Variants in PRMT8 observed in about 807,000 individuals in gnomAD.
PRMT8 encodes protein arginine methyltransferase 8.
A neutral mutation model predicts 47.1 loss-of-function variants in PRMT8; 7 were observed. The ratio of observed to expected loss-of-function variants is 0.15; its 90% CI spans 0.08 to 0.28. The LOEUF is 0.28. Ranked by LOEUF, PRMT8 falls within the 10% of genes least tolerant of loss-of-function variation. The probability of loss-of-function intolerance (pLI) is 1.00; values close to 1 mark genes in which losing one functional copy is unlikely to be tolerated. For missense variants in PRMT8, 237 were observed against 505.4 expected (o/e 0.47, Z 5.09); for synonymous variants, 188 against 186.5 (o/e 1.01, Z -0.07).
chr12:3,570,022 C>T lies in PRMT8; in HGVS notation c.712+458C>T, dbSNP rs1029703523. Among the ~76,000 whole-genome samples the T allele has an allele frequency of 2.0e-5, 3 of 152,036 alleles. No individual in the cohort carries two copies. Among genetic ancestry groups the T allele is most frequent in the African/African-American group, 7.2e-5 (3 of 41,394 alleles). On this transcript the variant is annotated intron_variant, in intron 6 of 9. Transcript: ENST00000382622. This position sits in a 1 kb window ranked among gnomAD's most constrained non-coding sequence, Gnocchi z 5.5. ...TCAAAATAATATTGATTCTCTTATG[C>T]AAATACATATTATTTGAGGTTCTTT...
intron 1 of PRMT8, among the ~76,000 whole-genome samples, chr12:3,479,062 C>G (rs1865247195): frequency 6.6e-6 from 1 of 152,188 alleles, no homozygotes; most frequent in Admixed American, 6.5e-5. Context: ...GTACAGCAGG[C>G]TCTGACTGGG....
rs112188118 is a variant in PRMT8 at position 3,579,298 on chromosome 12, C to T, written c.828+2312C>T. 9.8e-4 allele frequency among the ~76,000 whole-genome samples: 149 copies of T among 152,212 alleles called. 1 individual carries two copies. The highest frequency in any genetic ancestry group is 3.5e-3 in the African/African-American group (144 of 41,536). On this transcript the variant is annotated intron_variant, in intron 7 of 9. Transcript: ENST00000382622. Reference sequence around the variant, plus strand: ...CCCCAGGTTGCTCTCTGCCCCTGACCCAGGCCCCATTGGCAGGTGTAGCCA... The same window carrying T: ...CCCCAGGTTGCTCTCTGCCCCTGACTCAGGCCCCATTGGCAGGTGTAGCCA...
intron 1 of PRMT8, among the ~76,000 whole-genome samples, chr12:3,529,029 G>T (rs190429525): frequency 6.6e-6 from 1 of 152,334 alleles, no homozygotes; most frequent in African/African-American, 2.4e-5. Context: ...TTCCGAGGCT[G>T]TGGTAGTTTT....
intron 1 of PRMT8, among the ~76,000 whole-genome samples, chr12:3,444,014 C>G (rs1408234169): frequency 6.6e-6 from 1 of 152,232 alleles, no homozygotes; most frequent in African/African-American, 2.4e-5. Context: ...GCCATTCACT[C>G]TATCACATCT....
chr12:3,416,174 C>A (rs771446481), intron 1 of PRMT8, among the ~76,000 whole-genome samples: 1 of 152,212 alleles, frequency 6.6e-6, no homozygotes, highest in Non-Finnish European at 1.5e-5. Flanking sequence ...CTGTAACCCC[C>A]TACAACTCTG....
intron 1 of PRMT8, among the ~76,000 whole-genome samples, chr12:3,476,895 C>A (rs1261184341): frequency 6.6e-6 from 1 of 152,178 alleles, no homozygotes; most frequent in Non-Finnish European, 1.5e-5. Flanking sequence ...GAGAGGAGAG[C>A]CCCTCAAGAG....
chr12:3,531,812 C>T (rs1470436425), intron 1 of PRMT8, among the ~76,000 whole-genome samples: 7 of 152,246 alleles, frequency 4.6e-5, no homozygotes. Context: ...CTAAAGTGCT[C>T]TCTGTGGCCT....
chr12:3,491,729 G>C lies in PRMT8; in HGVS notation c.75+29G>C, dbSNP rs116517999. ...AGGAGGCGAGCGAGCAGGGGCTCTCGGAGACCCCGCCGCCCACCCGGACCA... is the reference window on the plus strand; with the variant it reads ...AGGAGGCGAGCGAGCAGGGGCTCTCCGAGACCCCGCCGCCCACCCGGACCA... On this transcript the variant is annotated intron_variant, in intron 1 of 9. Transcript: ENST00000382622. 1,863 of 1,588,138 alleles carry C rather than the reference G, an allele frequency of 1.2e-3. 15 individuals are homozygous for C. In the African/African-American group the frequency reaches 0.023, roughly 19 times the overall value.
At position 3,552,608 on chromosome 12, in the gene PRMT8, C is replaced by A; in HGVS notation, c.418-1043C>A. On this transcript the variant is annotated intron_variant, in intron 3 of 9. Transcript: ENST00000382622. This position sits in a 1 kb window ranked among gnomAD's most constrained non-coding sequence, Gnocchi z 4.5. The stretch of plus-strand genomic sequence containing the variant: ...GCCTGAAGGCCAGGGACCTGGCAGC[C>A]CAGGAAAGGGCTGGTTCTCCTGGGA... 1 of 392,614 alleles carries A rather than the reference C, an allele frequency of 2.5e-6. No individual in the cohort carries two copies. Among genetic ancestry groups the A allele is most frequent in the South Asian group, 1.8e-5 (1 of 54,124 alleles). The allele number at this position is 392,614 out of a possible 1,614,324, so 24.3% of individuals were successfully genotyped here. A position where few individuals can be genotyped will look rare whatever the true frequency, so the allele number is the denominator to read the frequency against.
Position 3,569,178 on chromosome 12 carries a change from A to C in PRMT8, c.625-299A>C, listed in dbSNP as rs567001686. 1.2e-4 allele frequency among the ~76,000 whole-genome samples: 18 copies of C among 152,292 alleles called. No individual in the cohort carries two copies. Among genetic ancestry groups the C allele is most frequent in the African/African-American group, 4.3e-4 (18 of 41,568 alleles). ...CATGGCTGCCAGAGCCAGGTGTGCT[A>C]TTCATCTGGGCTTCTCCAGGCCAAA... On this transcript the variant is annotated intron_variant, in intron 5 of 9. Coordinates refer to ENST00000382622, the MANE Select transcript of PRMT8 (RefSeq NM_019854.5). This position sits in a 1 kb window ranked among gnomAD's most constrained non-coding sequence, Gnocchi z 8.2.
intron 1 of PRMT8, among the ~76,000 whole-genome samples, chr12:3,517,522 T>C (rs541389497): frequency 6.6e-5 from 10 of 151,862 alleles, no homozygotes; most frequent in African/African-American, 2.4e-4. Flanking sequence ...TGAGCTAAGG[T>C]AGGAAAATTG....
At chr12:3,587,391 A>G (rs1381275822) in intron 8 of PRMT8, among the ~76,000 whole-genome samples, 3 of 151,802 alleles carry the variant, frequency 2.0e-5, no homozygotes, top group Non-Finnish European at 2.9e-5. Flanking sequence ...TTAAAAATAA[A>G]TTGTTTTTAA....
chr12:3,550,982 G>T lies in PRMT8; in HGVS notation c.417+891G>T, dbSNP rs1001134725. 2.0e-5 allele frequency: 3 copies of T among 152,198 alleles called. No individual in the cohort carries two copies. The highest frequency in any genetic ancestry group is 7.2e-5 in the African/African-American group (3 of 41,426). 9.4% of individuals were successfully genotyped at this position (152,198 alleles called of 1,614,324 possible). A position where few individuals can be genotyped will look rare whatever the true frequency, so the allele number is the denominator to read the frequency against. ...GAGATTCCCAGTCTGCATGTGAGCC[G>T]GCCCATTTGCAGAGGCCTCAGCGAC... is the stretch of plus-strand genomic sequence containing the variant. On this transcript the variant is annotated intron_variant, in intron 3 of 9. Transcript: ENST00000382622. The surrounding 1 kb of genome is among the most constrained non-coding windows in gnomAD (Gnocchi z 5.1).
At chr12:3,496,099 A>G (rs1281158558) in intron 1 of PRMT8, among the ~76,000 whole-genome samples, 1 of 149,608 alleles carries the variant, frequency 6.7e-6, no homozygotes, top group East Asian at 2.0e-4. Context: ...TGCATGATGC[A>G]TTATTTATGG....
Position 3,593,281 on chromosome 12 carries a change from A to C in PRMT8, c.*99A>C. The C allele has an allele frequency of 9.7e-7, 1 of 1,034,788 alleles. No homozygotes were observed. The highest frequency in any genetic ancestry group is 1.4e-6 in the Non-Finnish European group (1 of 698,500). The allele number at this position is 1,034,788 out of a possible 1,614,324, so 64.1% of individuals were successfully genotyped here. On this transcript the variant is annotated 3_prime_UTR_variant, in exon 10 of 10. Coordinates refer to ENST00000382622, the MANE Select transcript of PRMT8 (RefSeq NM_019854.5). The surrounding 1 kb of genome is among the most constrained non-coding windows in gnomAD (Gnocchi z 4.8). Reference sequence around the variant, plus strand: ...ACCGTTTGCAGGACTACACACTTGAAAACCAGAGTTTTCAACTCTGCCTTG... The same window carrying C: ...ACCGTTTGCAGGACTACACACTTGACAACCAGAGTTTTCAACTCTGCCTTG...
chr12:3,387,122 G>A (rs573159203), intron 1 of PRMT8, among the ~76,000 whole-genome samples: 1 of 152,308 alleles, frequency 6.6e-6, no homozygotes, highest in South Asian at 2.1e-4. Context: ...AAAGGAAGGT[G>A]GAGGAAAGCA....
chr12:3,396,126 T>G (rs1240585706), intron 1 of PRMT8, among the ~76,000 whole-genome samples: 3 of 152,242 alleles, frequency 2.0e-5, no homozygotes, highest in Non-Finnish European at 4.4e-5. Flanking sequence ...GAGATGGGTT[T>G]CCTGAGTACA....
intron 1 of PRMT8, among the ~76,000 whole-genome samples, chr12:3,517,945 T>C (rs569822745): frequency 2.6e-5 from 4 of 152,170 alleles, no homozygotes; most frequent in Non-Finnish European, 4.4e-5. Context: ...AAGCTTTAAT[T>C]TTCTATGTGA....
chr12:3,582,706 C>T (rs540872515), intron 7 of PRMT8, among the ~76,000 whole-genome samples: 34 of 152,158 alleles, frequency 2.2e-4, no homozygotes, highest in Non-Finnish European at 4.3e-4. Flanking sequence ...GTGGACCACT[C>T]GAGGCTGCTC....
Sources: gnomAD v4.1 joint callset for allele counts (sites outside exome capture counted in the v4.1 genomes callset) on GRCh38, gnomAD v4.1.1 for gene constraint, Gnocchi (gnomAD v3.1) non-coding constraint, MANE v1.5 for transcripts, NCBI Gene and HGNC (gene_info 2026-07-23, HGNC 2026-07-21) for gene names.